Variants in FGF12 observed in about 807,000 individuals in gnomAD.
FGF12 encodes fibroblast growth factor 12, also known as fibroblast growth factor 12B.
Under a neutral mutation model 23.6 loss-of-function variants are expected in FGF12, and 14 were observed. The ratio of observed to expected loss-of-function variants is 0.59; its 90% confidence interval spans 0.39 to 0.93. FGF12 has a LOEUF of 0.93. FGF12 is among the 40% of genes least tolerant of loss of function. The pLI is 0.00. For synonymous variants in FGF12, 62 were observed against 77.3 expected, an observed-to-expected ratio of 0.80 and a Z score of 1.04; for missense variants, 175 against 217.8, an observed-to-expected ratio of 0.80 and a Z score of 1.24.
chr3:192,311,064 T>C (rs1715906078), intron 4 of FGF12, among the ~76,000 whole-genome samples: 1 of 152,236 alleles, frequency 6.6e-6, no homozygotes. Flanking sequence ...ATTTCCTGTT[T>C]AATCTCAATT....
At chr3:192,424,074 T>A (rs371690749) in intron 2 of FGF12, among the ~76,000 whole-genome samples, 62 of 125,940 alleles carry the variant, frequency 4.9e-4, no homozygotes, top group Middle Eastern at 3.9e-3. Flanking sequence ...ATCAAATGAA[T>A]TATAAAGTCT....
intron 2 of FGF12, among the ~76,000 whole-genome samples, chr3:192,432,639 AAAAGAAAG>A (rs1007768982): frequency 2.2e-5 from 3 of 137,090 alleles, no homozygotes; most frequent in African/African-American, 8.6e-5. Context: ...AAAAAAAAAA[AAAAGAAAG>A]AAAGAAAGAA....
At chr3:192,144,930 C>G (rs1047275709) in intron 5 of FGF12, among the ~76,000 whole-genome samples, 2 of 152,192 alleles carry the variant, frequency 1.3e-5, no homozygotes, top group Non-Finnish European at 2.9e-5. Flanking sequence ...ACAAATGTGA[C>G]TAGATAAGAG....
At chr3:192,232,307 C>G (rs1179409274) in intron 4 of FGF12, among the ~76,000 whole-genome samples, 7 of 151,988 alleles carry the variant, frequency 4.6e-5, no homozygotes, top group Admixed American at 3.9e-4. Context: ...GATTATGATA[C>G]TTCTTGCTCT....
intron 2 of FGF12, among the ~76,000 whole-genome samples, chr3:192,448,823 T>C (rs1180345389): frequency 6.6e-6 from 1 of 152,188 alleles, no homozygotes; most frequent in Non-Finnish European, 1.5e-5. Context: ...TGCCATACAG[T>C]TTAGCTTAGA....
At chr3:192,345,009 A>G (rs1436253456) in intron 3 of FGF12, among the ~76,000 whole-genome samples, 1 of 152,228 alleles carries the variant, frequency 6.6e-6, no homozygotes, top group African/African-American at 2.4e-5. Flanking sequence ...ATCAATGGGC[A>G]GAAACATCTT....
At chr3:192,309,846 T>C (rs1715844846) in intron 4 of FGF12, among the ~76,000 whole-genome samples, 1 of 152,196 alleles carries the variant, frequency 6.6e-6, no homozygotes, top group African/African-American at 2.4e-5. Context: ...GAAAATGTTA[T>C]TCTAGGCTAA....
intron 2 of FGF12, among the ~76,000 whole-genome samples, chr3:192,578,318 CT>C (rs1415667814): frequency 6.6e-6 from 1 of 152,110 alleles, no homozygotes; most frequent in Non-Finnish European, 1.5e-5. Flanking sequence ...TTGTTCCTTT[CT>C]TTTTACTGGA....
chr3:192,247,317 G>C (rs960318081), intron 4 of FGF12, among the ~76,000 whole-genome samples: 1 of 152,148 alleles, frequency 6.6e-6, no homozygotes, highest in Non-Finnish European at 1.5e-5. Context: ...TTTCGTCACT[G>C]TAGAGTATCA....
chr3:192,315,824 G>A (rs1301728095), intron 4 of FGF12, among the ~76,000 whole-genome samples: 1 of 150,894 alleles, frequency 6.6e-6, no homozygotes, highest in Non-Finnish European at 1.5e-5. Flanking sequence ...GCCATTGTGT[G>A]ATGCTTTGGC....
chr3:192,648,014 C>T (rs1374021793), intron 2 of FGF12, among the ~76,000 whole-genome samples: 1 of 151,794 alleles, frequency 6.6e-6, no homozygotes, highest in Non-Finnish European at 1.5e-5. Flanking sequence ...GAAAGAATAG[C>T]CCCATTTCAC....
chr3:192,363,812 C>G (rs1718852303), intron 2 of FGF12, among the ~76,000 whole-genome samples: 1 of 152,192 alleles, frequency 6.6e-6, no homozygotes, highest in Non-Finnish European at 1.5e-5. Context: ...GACCACTTTT[C>G]AGCATATCCA....
At chr3:192,158,367 T>TTTCTTTCTTTCTTTTTTTCTTTCTTTC (rs1714595330) in intron 5 of FGF12, among the ~76,000 whole-genome samples, 1 of 122,430 alleles carries the variant, frequency 8.2e-6, no homozygotes, top group East Asian at 2.3e-4. Flanking sequence ...TCTTTCTTTC[T>TTTCTTTCTTTCTTTTTTTCTTTCTTTC]TTCTTTCTTT....
intron 2 of FGF12, among the ~76,000 whole-genome samples, chr3:192,696,821 G>A (rs1718139851): frequency 6.6e-6 from 1 of 151,834 alleles, no homozygotes; most frequent in Non-Finnish European, 1.5e-5. Flanking sequence ...CAGATGTGCT[G>A]GTTTGTATCA....
At chr3:192,672,022 C>A (rs182402839) in intron 2 of FGF12, among the ~76,000 whole-genome samples, 2 of 152,210 alleles carry the variant, frequency 1.3e-5, no homozygotes, top group Non-Finnish European at 2.9e-5. Flanking sequence ...AGACAGAGTG[C>A]GGCTTACTCA....
chr3:192,491,268 C>T (rs1004516806), intron 2 of FGF12, among the ~76,000 whole-genome samples: 1 of 152,118 alleles, frequency 6.6e-6, no homozygotes, highest in Non-Finnish European at 1.5e-5. Context: ...AAGACCATGA[C>T]CTCTCTGATG....
chr3:192,188,404 A>G (rs1205562737), intron 4 of FGF12, among the ~76,000 whole-genome samples: 1 of 152,100 alleles, frequency 6.6e-6, no homozygotes, highest in African/African-American at 2.4e-5. Context: ...CTCCAATTAG[A>G]GAATGCCGCC....
intron 5 of FGF12, among the ~76,000 whole-genome samples, chr3:192,158,332 C>CTTTCTTTCTTTCTTTCTTCTT (rs1459698854): frequency 2.5e-4 from 28 of 112,446 alleles, no homozygotes; most frequent in South Asian, 7.0e-4. Flanking sequence ...TTCTTTCTTT[C>CTTTCTTTCTTTCTTTCTTCTT]TCTTTCTTTC....
intron 2 of FGF12, among the ~76,000 whole-genome samples, chr3:192,658,820 T>C (rs1716542983): frequency 3.3e-5 from 5 of 152,040 alleles, no homozygotes; most frequent in African/African-American, 9.7e-5. Flanking sequence ...ACTGAGTTTT[T>C]CTCTGGAAAT....
Sources: allele counts gnomAD v4.1 joint callset (sites outside exome capture counted in the v4.1 genomes callset), GRCh38; gene constraint gnomAD v4.1.1; transcripts MANE v1.5; gene names NCBI Gene and HGNC (gene_info 2026-07-23, HGNC 2026-07-21).